SCUBE3: variants seen among roughly 807,000 people sequenced by gnomAD.
The protein encoded by SCUBE3 is signal peptide, CUB domain and EGF like domain containing 3.
SCUBE3 carries 33 observed loss-of-function variants against 116.8 expected under a neutral mutation model. The ratio of observed to expected loss-of-function variants is 0.28; its 90% CI spans 0.21 to 0.38. SCUBE3 has a LOEUF of 0.38. Ranked by LOEUF, SCUBE3 falls within the 10% of genes least tolerant of loss-of-function variation. The pLI, the probability that SCUBE3 is intolerant of heterozygous loss-of-function variation, is 1.00. For missense variants in SCUBE3, 1,007 were observed against 1,324.8 expected, an observed-to-expected ratio of 0.76 and a Z score of 3.72; for synonymous variants, 418 against 496.9, an observed-to-expected ratio of 0.84 and a Z score of 2.11.
At chr6:35,218,693 C>T (rs1783016881) in intron 1 of SCUBE3, among the ~76,000 whole-genome samples, 1 of 152,096 alleles carries the variant, frequency 6.6e-6, no homozygotes, top group African/African-American at 2.4e-5. Context: ...AGCGAAACAA[C>T]GGCCAACCCA....
In SCUBE3 at chr6:35,239,390, C is replaced by T. The variant is rs928360316; in HGVS notation, c.830-362C>T. On this transcript the variant is annotated intron_variant, in intron 7 of 21. Coordinates refer to ENST00000274938, the MANE Select transcript of SCUBE3 (RefSeq NM_152753.4). This position sits in a 1 kb window ranked among gnomAD's most constrained non-coding sequence, Gnocchi z 4.1. Reference sequence around the variant, plus strand: ...ACCCACCAACCTTTCAGGGAATGGCCATCAGCTGGAGACTAAGGGCTAGCC... The same window carrying T: ...ACCCACCAACCTTTCAGGGAATGGCTATCAGCTGGAGACTAAGGGCTAGCC... 6.6e-6 allele frequency among the ~76,000 whole-genome samples: 1 copy of T among 152,070 alleles called. No individual in the cohort carries two copies. Among genetic ancestry groups the T allele is most frequent in the Non-Finnish European group, 1.5e-5 (1 of 68,008 alleles).
chr6:35,230,136 T>C (rs1204977948), intron 3 of SCUBE3, among the ~76,000 whole-genome samples: 1 of 152,202 alleles, frequency 6.6e-6, no homozygotes, highest in African/African-American at 2.4e-5. Context: ...CCTACCATTT[T>C]AGCTTCCAGG....
intron 1 of SCUBE3, chr6:35,220,953 C>G (rs1267453996): frequency 6.6e-6 from 1 of 152,208 alleles, no homozygotes; most frequent in African/African-American, 2.4e-5. Context: ...GGGAAGACAG[C>G]CTGGTACTCC....
Position 35,239,800 on chromosome 6 carries a change from G to A in SCUBE3, c.878G>A (p.Arg293His), listed in dbSNP as rs765021570. The A allele has an allele frequency of 5.0e-6, 8 of 1,610,980 alleles. No individual in the cohort carries two copies. Among genetic ancestry groups the A allele is most frequent in the East Asian group, 2.2e-5 (1 of 44,702 alleles). The part of the protein sequence containing the change: ...LNNGGCDHIC[R>H]NTVGSFECSC... ...AACGGGGGCTGTGACCATATTTGCC[G>A]CAACACAGTGGGCAGCTTCGAATGC... Residue 293 changes from arginine (R) to histidine (H), a missense_variant, in exon 8 of 22, where the codon CGC becomes CAC. Coordinates refer to ENST00000274938, the MANE Select transcript of SCUBE3 (RefSeq NM_152753.4). The surrounding 1 kb of genome is among the most constrained non-coding windows in gnomAD (Gnocchi z 4.1).
chr6:35,227,812 G>C, intron 2 of SCUBE3, 110 bp downstream of exon 2: 1 of 1,158,586 alleles, frequency 8.6e-7, no homozygotes. Flanking sequence ...AATTCCACTG[G>C]TCAAGTGGTG....
rs1417347063 is a variant in SCUBE3 at position 35,245,532 on chromosome 6, G to GCAGTGAAGTTC, written c.2599+107_2599+108insCAGTGAAGTTC. 3.3e-6 allele frequency: 3 copies of GCAGTGAAGTTC among 908,058 alleles called. No individual in the cohort carries two copies. Among genetic ancestry groups the GCAGTGAAGTTC allele is most frequent in the Non-Finnish European group, 5.3e-6 (3 of 568,274 alleles). 56.3% of individuals were successfully genotyped at this position (908,058 alleles called of 1,614,324 possible). A position where few individuals can be genotyped will look rare whatever the true frequency, so the allele number is the denominator to read the frequency against. ...GAAGAAATGGGGCAGTGAAGTTAGG[G>GCAGTGAAGTTC]ATCTATGAGGGTGAAATAGTGAGAG... On this transcript the variant is annotated intron_variant, in intron 19 of 21. Coordinates refer to ENST00000274938, the MANE Select transcript of SCUBE3 (RefSeq NM_152753.4). The surrounding 1 kb of genome is among the most constrained non-coding windows in gnomAD (Gnocchi z 4.2).
chr6:35,221,204 G>C (rs549723940), intron 1 of SCUBE3: 2 of 152,252 alleles, frequency 1.3e-5, no homozygotes, highest in East Asian at 3.9e-4. Context: ...CTGTTGAAGG[G>C]GATGCTCTGA....
In SCUBE3 at chr6:35,232,916, G is replaced by T. The variant is rs753414047; in HGVS notation, c.536G>T (p.Gly179Val). 15 of 1,614,176 alleles carry T rather than the reference G, an allele frequency of 9.3e-6. No individual in the cohort carries two copies. Among genetic ancestry groups the T allele is most frequent in the African/African-American group, 2.7e-5 (2 of 75,048 alleles). Residue 179 changes from glycine (G) to valine (V), a missense_variant, in exon 5 of 22, where the codon GGT becomes GTT. By Grantham distance (109) the Gly-to-Val change is moderately radical (BLOSUM62 -3). Coordinates refer to ENST00000274938, the MANE Select transcript of SCUBE3 (RefSeq NM_152753.4). The surrounding 1 kb of genome is among the most constrained non-coding windows in gnomAD (Gnocchi z 4.2). ...AHICRETPKG[G>V]IACECRPGFE... The stretch of plus-strand genomic sequence containing the variant: ...ATTTGCCGGGAGACACCCAAGGGGG[G>T]TATTGCCTGTGAATGCCGTCCTGGC...
At position 35,241,950 on chromosome 6, in the gene SCUBE3, CTTACA is replaced by C; in HGVS notation, c.1417+44_1417+48del. The stretch of plus-strand genomic sequence containing the variant: ...AGAAGCCCTGTTCCCACCCTACTCT[CTTACA>C]TTAATCCCTTATTTTTGTTCTTCAT... On this transcript the variant is annotated intron_variant, in intron 12 of 21. Transcript: ENST00000274938. This position sits in a 1 kb window ranked among gnomAD's most constrained non-coding sequence, Gnocchi z 4.1. 1.5e-6 allele frequency: 2 copies of C among 1,337,108 alleles called. No homozygotes were observed. The highest frequency in any genetic ancestry group is 2.1e-6 in the Non-Finnish European group (2 of 935,730). 82.8% of individuals were successfully genotyped at this position (1,337,108 alleles called of 1,614,324 possible).
intron 1 of SCUBE3, among the ~76,000 whole-genome samples, chr6:35,226,766 C>A (rs1206681404): frequency 6.6e-6 from 1 of 152,152 alleles, no homozygotes; most frequent in Non-Finnish European, 1.5e-5. Context: ...GCATGAGCCA[C>A]CGCGCCTGGC....
Position 35,232,934 on chromosome 6 carries a change from G to A in SCUBE3, c.554G>A (p.Arg185His). The stretch of plus-strand genomic sequence containing the variant: ...AAGGGGGGTATTGCCTGTGAATGCC[G>A]TCCTGGCTTTGAGCTTACCAAGAAC... ...TPKGGIACEC[R>H]PGFELTKNQR... Residue 185 changes from arginine (R) to histidine (H), a missense_variant, in exon 5 of 22, where the codon CGT (arginine) becomes CAT (histidine). This residue lies in a region of SCUBE3 where 214 missense variants were observed against 316.7 expected (regional missense o/e 0.68). Transcript: ENST00000274938. This position sits in a 1 kb window ranked among gnomAD's most constrained non-coding sequence, Gnocchi z 4.2. 3.7e-6 allele frequency: 6 copies of A among 1,614,132 alleles called. No homozygotes were observed. The highest frequency in any genetic ancestry group is 5.1e-6 in the Non-Finnish European group (6 of 1,180,002).
chr6:35,244,747 C>T lies in SCUBE3; in HGVS notation c.2337C>T (p.Cys779=). The T allele has an allele frequency of 6.2e-7, 1 of 1,614,234 alleles. No individual in the cohort carries two copies. The highest frequency in any genetic ancestry group is 1.3e-5 in the African/African-American group (1 of 75,060). Residue 779 remains cysteine, a synonymous_variant, in exon 18 of 22, where the codon TGC becomes TGT. Transcript: ENST00000274938. The surrounding 1 kb of genome is among the most constrained non-coding windows in gnomAD (Gnocchi z 4.3). The part of the protein sequence containing the change: ...SYQPDFRQNF[C]SRCPGNTSTD... The stretch of plus-strand genomic sequence containing the variant: ...AGCCCGACTTCCGTCAGAACTTCTG[C>T]AGCCGCTGTCCAGGAAACACAAGCA...
In SCUBE3 at chr6:35,245,926, T is replaced by C. The variant is rs1211131005; in HGVS notation, c.2600-18T>C. 2 of 1,613,164 alleles carry C rather than the reference T, an allele frequency of 1.2e-6. No homozygotes were observed. Among genetic ancestry groups the C allele is most frequent in the Non-Finnish European group, 1.7e-6 (2 of 1,179,510 alleles). On this transcript the variant is annotated intron_variant, in intron 19 of 21. Transcript: ENST00000274938. The surrounding 1 kb of genome is among the most constrained non-coding windows in gnomAD (Gnocchi z 4.2). ...AGCCTGCCCTGCTGCTCTACTGACC[T>C]GCTGCTTGCCTTCCCAGCATCCCCA...
chr6:35,218,234 G>A (rs760265860), intron 1 of SCUBE3: 16 of 612,440 alleles, frequency 2.6e-5, no homozygotes, highest in South Asian at 2.2e-4. Flanking sequence ...ATTCACACAC[G>A]TGTGAATGTG....
intron 1 of SCUBE3, among the ~76,000 whole-genome samples, chr6:35,218,671 C>T (rs992730446): frequency 2.6e-5 from 4 of 152,032 alleles, no homozygotes; most frequent in Non-Finnish European, 5.9e-5. Flanking sequence ...ACTGCTGGGC[C>T]TTGGGTATAG....
rs1429088507 is a variant in SCUBE3, at chr6:35,228,410, C to G, written c.209-204C>G. Among the ~76,000 whole-genome samples the G allele has an allele frequency of 6.6e-6, 1 of 152,174 alleles. No individual in the cohort carries two copies. Among genetic ancestry groups the G allele is most frequent in the African/African-American group, 2.4e-5 (1 of 41,446 alleles). On this transcript the variant is annotated intron_variant, in intron 2 of 21. Coordinates refer to ENST00000274938, the MANE Select transcript of SCUBE3 (RefSeq NM_152753.4). This position sits in a 1 kb window ranked among gnomAD's most constrained non-coding sequence, Gnocchi z 4.9. ...GAGAAAAAAATAGAAAAATAATATT[C>G]TGCAACCATGTACAATGGTAATTAG...
chr6:35,236,137 A>G (rs1199146732), intron 6 of SCUBE3, among the ~76,000 whole-genome samples: 3 of 152,234 alleles, frequency 2.0e-5, no homozygotes. Context: ...TGCTTGAGAT[A>G]GTGCATGTAG....
chr6:35,243,789 G>A lies in SCUBE3; in HGVS notation c.2071+34G>A, dbSNP rs747444682. ...GGAACAAACAATACAGAGTGGGGTA[G>A]GGTGGGCACTGGGATGCCCATGGGC... On this transcript the variant is annotated intron_variant, in intron 16 of 21. Coordinates refer to ENST00000274938, the MANE Select transcript of SCUBE3 (RefSeq NM_152753.4). The surrounding 1 kb of genome is among the most constrained non-coding windows in gnomAD (Gnocchi z 6.6). The A allele has an allele frequency of 6.2e-6, 10 of 1,604,180 alleles. No homozygotes were observed. Among genetic ancestry groups the A allele is most frequent in the Non-Finnish European group, 8.5e-6 (10 of 1,172,364 alleles).
intron 1 of SCUBE3, chr6:35,220,240 C>G (rs1783071710): frequency 6.6e-6 from 1 of 152,168 alleles, no homozygotes; most frequent in African/African-American, 2.4e-5. Context: ...GTTTGAAGAC[C>G]TGGATCCTGG....
Sources: allele counts gnomAD v4.1 joint callset (sites outside exome capture counted in the v4.1 genomes callset), GRCh38; gene constraint gnomAD v4.1.1; regional missense constraint gnomAD v4.1.1; non-coding constraint Gnocchi (gnomAD v3.1); transcripts MANE v1.5; gene names NCBI Gene and HGNC (gene_info 2026-07-23, HGNC 2026-07-21).